Variants in SEMA6D observed in about 807,000 individuals in gnomAD.
The protein encoded by SEMA6D is semaphorin 6D, also known as semaphorin-6D.
A neutral mutation model predicts 106.6 loss-of-function variants in SEMA6D; 35 were observed. The observed-to-expected ratio is 0.33, with a 90% CI of 0.25 to 0.44. SEMA6D has a LOEUF of 0.44. Among genes scored for constraint, SEMA6D ranks in the 20% least tolerant of loss-of-function variants. The pLI is 1.00. For missense variants in SEMA6D, 1,185 were observed against 1,345.9 expected, an observed-to-expected ratio of 0.88 and a Z score of 1.87; for synonymous variants, 499 against 487.7, an observed-to-expected ratio of 1.02 and a Z score of -0.31.
chr15:47,585,724 A>G (rs2076326900), intron 3 of SEMA6D, among the ~76,000 whole-genome samples: 1 of 152,132 alleles, frequency 6.6e-6, no homozygotes, highest in South Asian at 2.1e-4. Context: ...TTGATCCATC[A>G]TTTACTATGT....
intron 1 of SEMA6D, among the ~76,000 whole-genome samples, chr15:47,331,181 T>C (rs17287722): frequency 0.011 from 1,688 of 152,316 alleles, 13 homozygotes; most frequent in Non-Finnish European, 0.014. Context: ...GGATAAATGT[T>C]ACCTCAATAG....
intron 1 of SEMA6D, among the ~76,000 whole-genome samples, chr15:47,367,682 G>GCA (rs1163013241): frequency 1.5e-4 from 6 of 40,504 alleles, no homozygotes; most frequent in African/African-American, 2.9e-4. Context: ...GCTCACACGC[G>GCA]CGCGCGCGCG....
rs568069428 is a variant in SEMA6D at position 47,246,288 on chromosome 15, A to C, written c.-239+61870A>C. On this transcript the variant is annotated intron_variant, in intron 1 of 19. Coordinates refer to the SEMA6D transcript ENST00000558014. Reference sequence around the variant, plus strand: ...GAGAGTGAAGGGGTAAAGAGAGAAAACATAGGATTATTAGAGCCTAGTTGG... The same window carrying C: ...GAGAGTGAAGGGGTAAAGAGAGAAACCATAGGATTATTAGAGCCTAGTTGG... 2.0e-5 allele frequency among the ~76,000 whole-genome samples: 3 copies of C among 152,242 alleles called. No homozygotes were observed. In the South Asian group the frequency reaches 6.2e-4, roughly 32 times the overall value.
At chr15:47,448,662 G>C (rs535976731) in intron 2 of SEMA6D, among the ~76,000 whole-genome samples, 11 of 152,218 alleles carry the variant, frequency 7.2e-5, no homozygotes, top group African/African-American at 2.6e-4. Context: ...AGGGGAAAAG[G>C]CTGCAGAAAG....
chr15:47,345,260 T>A (rs1433685285), intron 1 of SEMA6D, among the ~76,000 whole-genome samples: 2 of 150,610 alleles, frequency 1.3e-5, no homozygotes, highest in Non-Finnish European at 3.0e-5. Flanking sequence ...TCTAAAATGA[T>A]AAAATGGTTT....
At chr15:47,763,410 G>A (rs2082168360) in intron 9 of SEMA6D, among the ~76,000 whole-genome samples, 1 of 152,096 alleles carries the variant, frequency 6.6e-6, no homozygotes, top group Non-Finnish European at 1.5e-5. Flanking sequence ...GAAAACCACT[G>A]ATAGTCTATT....
chr15:47,333,900 T>G (rs149956050), intron 1 of SEMA6D, among the ~76,000 whole-genome samples: 2 of 152,292 alleles, frequency 1.3e-5, no homozygotes, highest in African/African-American at 4.8e-5. Context: ...TTTCCTGTCC[T>G]CCTTTCACCT....
At chr15:47,217,378 G>C (rs1188342892) in intron 1 of SEMA6D, among the ~76,000 whole-genome samples, 3 of 152,066 alleles carry the variant, frequency 2.0e-5, no homozygotes, top group Non-Finnish European at 4.4e-5. Context: ...ATTTGAACCA[G>C]GTATACCTTG....
intron 1 of SEMA6D, among the ~76,000 whole-genome samples, chr15:47,205,919 G>C (rs889834543): frequency 7.5e-6 from 1 of 133,070 alleles, no homozygotes; most frequent in Non-Finnish European, 1.6e-5. Flanking sequence ...TTTTGCATTT[G>C]AACAACATTT....
chr15:47,206,744 C>G (rs555537544), intron 1 of SEMA6D, among the ~76,000 whole-genome samples: 1 of 152,190 alleles, frequency 6.6e-6, no homozygotes, highest in African/African-American at 2.4e-5. Flanking sequence ...CTCAGCTCTA[C>G]AGTATGAATG....
intron 4 of SEMA6D, among the ~76,000 whole-genome samples, chr15:47,666,502 T>C (rs1483967939): frequency 1.3e-5 from 2 of 152,178 alleles, no homozygotes; most frequent in African/African-American, 4.8e-5. Flanking sequence ...GAGAATGCTT[T>C]CAAACAAAGC....
chr15:47,528,315 A>G (rs184837103), intron 3 of SEMA6D, among the ~76,000 whole-genome samples: 13 of 152,320 alleles, frequency 8.5e-5, no homozygotes, highest in Admixed American at 5.2e-4. Context: ...CCCCACATCT[A>G]GATCTTGCTC....
chr15:47,242,303 C>T (rs1383407276), intron 1 of SEMA6D, among the ~76,000 whole-genome samples: 2 of 152,048 alleles, frequency 1.3e-5, no homozygotes, highest in Non-Finnish European at 2.9e-5. Flanking sequence ...ATGCACTTGG[C>T]TATTTTGAGG....
At chr15:47,663,434 A>T (rs2077966444) in intron 4 of SEMA6D, among the ~76,000 whole-genome samples, 1 of 152,194 alleles carries the variant, frequency 6.6e-6, no homozygotes, top group African/African-American at 2.4e-5. Flanking sequence ...TCTTGGATTG[A>T]TCTCTGAAGT....
intron 1 of SEMA6D, among the ~76,000 whole-genome samples, chr15:47,227,558 C>CTT (rs2031814752): frequency 1.2e-5 from 1 of 80,414 alleles, no homozygotes; most frequent in Admixed American, 1.4e-4. Flanking sequence ...CTCTCTGTCT[C>CTT]TCTCTCTCTC....
At chr15:47,241,705 A>G (rs1370776913) in intron 1 of SEMA6D, among the ~76,000 whole-genome samples, 1 of 152,018 alleles carries the variant, frequency 6.6e-6, no homozygotes, top group Non-Finnish European at 1.5e-5. Flanking sequence ...ATGGAAAAAA[A>G]AAAAAACCTC....
intron 1 of SEMA6D, among the ~76,000 whole-genome samples, chr15:47,309,128 T>G (rs987419923): frequency 1.3e-5 from 2 of 152,198 alleles, no homozygotes; most frequent in Non-Finnish European, 2.9e-5. Flanking sequence ...TAAAATAAGT[T>G]GAAAATACAT....
intron 1 of SEMA6D, among the ~76,000 whole-genome samples, chr15:47,384,291 C>G (rs937382639): frequency 1.3e-5 from 2 of 152,194 alleles, no homozygotes; most frequent in African/African-American, 4.8e-5. Flanking sequence ...ATATTTGCTG[C>G]ATTTCTAGCG....
chr15:47,319,120 G>T (rs893332319), intron 1 of SEMA6D, among the ~76,000 whole-genome samples: 1 of 152,044 alleles, frequency 6.6e-6, no homozygotes, highest in Non-Finnish European at 1.5e-5. Flanking sequence ...GCCATGTCCA[G>T]CCTACTAGTA....
Sources: gnomAD v4.1 joint callset for allele counts (sites outside exome capture counted in the v4.1 genomes callset) on GRCh38, gnomAD v4.1.1 for gene constraint, MANE v1.5 for transcripts, NCBI Gene and HGNC (gene_info 2026-07-23, HGNC 2026-07-21) for gene names.